Variants in AHCTF1 observed in about 807,000 individuals in gnomAD.
AHCTF1 encodes the protein AT-hook containing transcription factor 1, also known as protein ELYS.
Under a neutral mutation model 248.4 loss-of-function variants are expected in AHCTF1, and 24 were observed. The observed-to-expected ratio is 0.10, with a 90% CI of 0.07 to 0.14. AHCTF1 has a LOEUF of 0.14. Among genes scored for constraint, AHCTF1 ranks in the 10% least tolerant of loss-of-function variants. The pLI, the probability that AHCTF1 is intolerant of heterozygous loss-of-function variation, is 1.00. For synonymous variants in AHCTF1, 786 were observed against 929.8 expected, an observed-to-expected ratio of 0.85 and a Z score of 2.81; for missense variants, 2,206 against 2,636.2, an observed-to-expected ratio of 0.84 and a Z score of 3.57.
At chr1:246,877,469 CTAAGAA>C (rs1200153606) in intron 21 of AHCTF1, among the ~76,000 whole-genome samples, 167 bp from the exon 22 acceptor site, 3 of 152,050 alleles carry the variant, frequency 2.0e-5, no homozygotes, top group African/African-American at 7.2e-5. Context: ...AATAATCTTG[CTAAGAA>C]TGTCAGTAAA....
chr1:246,878,396 CAAAAAAAAAA>C (rs1199465751), intron 21 of AHCTF1, among the ~76,000 whole-genome samples: 2,548 of 30,780 alleles, frequency 0.083, 38 homozygotes, highest in Non-Finnish European at 0.095. Flanking sequence ...GATTCTGTCT[CAAAAAAAAAA>C]AAAAAAAAAA....
At chr1:246,901,784 C>T (rs1665018935) in intron 8 of AHCTF1, among the ~76,000 whole-genome samples, 1 of 152,158 alleles carries the variant, frequency 6.6e-6, no homozygotes. Context: ...TGCCACCACA[C>T]TCTGGCCTGG....
intron 1 of AHCTF1, among the ~76,000 whole-genome samples, chr1:246,922,800 G>A (rs562430351): frequency 2.7e-5 from 4 of 150,624 alleles, no homozygotes; most frequent in Non-Finnish European, 4.4e-5. Flanking sequence ...GGATAACACG[G>A]TGAAACCCTG....
intron 3 of AHCTF1, 77 bp from the exon 4 acceptor site, chr1:246,913,489 A>G: frequency 7.1e-7 from 1 of 1,405,114 alleles, no homozygotes; most frequent in Non-Finnish European, 9.7e-7. Context: ...TTTAAGTTAA[A>G]GCAGGTTATC....
intron 31 of AHCTF1, 25 bp downstream of exon 31, chr1:246,855,705 C>A (rs774980326): frequency 3.2e-6 from 5 of 1,548,090 alleles, no homozygotes; most frequent in Admixed American, 1.8e-5. Context: ...TGGAATAATC[C>A]TGAAGTCAAA....
chr1:246,860,767 A>C, intron 29 of AHCTF1, 132 bp downstream of exon 29: 5 of 1,231,248 alleles, frequency 4.1e-6, no homozygotes, highest in Non-Finnish European at 5.6e-6. Flanking sequence ...CAGCCTCCCA[A>C]AGTGCTGAGA....
intron 24 of AHCTF1, among the ~76,000 whole-genome samples, chr1:246,869,804 G>A (rs1368384918): frequency 6.6e-6 from 1 of 152,182 alleles, no homozygotes; most frequent in East Asian, 1.9e-4. Context: ...GACGAATGCT[G>A]TTAGCAGGCA....
chr1:246,899,621 T>C, intron 10 of AHCTF1, 109 bp from the exon 11 acceptor site: 3 of 719,068 alleles, frequency 4.2e-6, no homozygotes, highest in Non-Finnish European at 6.7e-6. Flanking sequence ...AATTATTACA[T>C]GTAATAAATC....
At chr1:246,928,302 CA>C (rs35687457) in intron 1 of AHCTF1, among the ~76,000 whole-genome samples, 50,102 of 94,326 alleles carry the variant, frequency 0.53, 9,645 homozygotes, top group African/African-American at 0.6. Flanking sequence ...GACTCCGTCT[CA>C]AAAAAAAAAA....
rs1261086012 is a variant in AHCTF1, at chr1:246,857,765, T to C, written c.4182A>G (p.Ala1394=). The part of the protein sequence containing the change: ...ETKDLLVAAE[A]FSELNHLSPV... ...GGCTTAAGTGATTCAATTCTGAAAA[T>C]GCCTCTGCTGCAACTAAGAGATCCT... is the stretch of plus-strand genomic sequence containing the variant. Residue 1394 remains alanine (A), a synonymous_variant, in exon 30 of 36, where the codon GCA becomes GCG. Transcript: ENST00000648844. 3.7e-6 allele frequency: 6 copies of C among 1,613,786 alleles called. No individual in the cohort carries two copies. The highest frequency in any genetic ancestry group is 2.7e-5 in the African/African-American group (2 of 74,912).
At chr1:246,891,091 C>T (rs747736400) in intron 15 of AHCTF1, 31 bp from the exon 16 acceptor site, 7 of 1,431,602 alleles carry the variant, frequency 4.9e-6, no homozygotes, top group Non-Finnish European at 5.6e-6. Flanking sequence ...CAGTTGTTTA[C>T]TTACAAAAAA....
At position 246,850,845 on chromosome 1, in the gene AHCTF1, T is replaced by C; in HGVS notation, c.5161A>G (p.Thr1721Ala). 6.2e-7 allele frequency: 1 copy of C among 1,613,932 alleles called. No homozygotes were observed. Among genetic ancestry groups the C allele is most frequent in the African/African-American group, 1.3e-5 (1 of 75,018 alleles). ...CTGACATTCATAGTCATTGTGCTTGTTTCCTGAGCAGTCTTAAATGCAGAT... is the reference window on the plus strand; with the variant it reads ...CTGACATTCATAGTCATTGTGCTTGCTTCCTGAGCAGTCTTAAATGCAGAT... ...VKSAFKTAQETSTMTMNVSQV... is the reference protein window; with the variant it reads ...VKSAFKTAQEASTMTMNVSQV... The change falls in exon 33 of 36, where the codon ACA (threonine) becomes GCA (alanine). Residue 1721 changes from threonine to alanine, a missense_variant. Physicochemically the swap from Thr to Ala is moderately conservative, Grantham distance 58 (BLOSUM62 0). Coordinates refer to ENST00000648844, the MANE Select transcript of AHCTF1 (RefSeq NM_001323342.2).
At chr1:246,891,163 A>C in intron 15 of AHCTF1, 103 bp from the exon 16 acceptor site, 2 of 620,594 alleles carry the variant, frequency 3.2e-6, no homozygotes, top group Admixed American at 7.7e-5. Context: ...TTGTAAATAT[A>C]TATTTTACAT....
At chr1:246,925,330 C>T (rs540495342) in intron 1 of AHCTF1, among the ~76,000 whole-genome samples, 16 of 152,140 alleles carry the variant, frequency 1.1e-4, no homozygotes, top group Non-Finnish European at 2.1e-4. Flanking sequence ...GGATAACACA[C>T]AAAAAGCATT....
At chr1:246,870,863 A>G (rs1257429658) in intron 24 of AHCTF1, among the ~76,000 whole-genome samples, 1 of 152,176 alleles carries the variant, frequency 6.6e-6, no homozygotes, top group Non-Finnish European at 1.5e-5. Context: ...TCTGTCACAT[A>G]TAAATTCCCA....
chr1:246,854,552 G>GA (rs1201292328), intron 31 of AHCTF1, among the ~76,000 whole-genome samples: 1 of 152,072 alleles, frequency 6.6e-6, no homozygotes, highest in African/African-American at 2.4e-5. Flanking sequence ...ATTCCTGACA[G>GA]AAAAAATGTC....
At chr1:246,844,366 T>C (rs1159428580) in intron 33 of AHCTF1, among the ~76,000 whole-genome samples, 1 of 152,232 alleles carries the variant, frequency 6.6e-6, no homozygotes, top group Non-Finnish European at 1.5e-5. Context: ...AGAAAATCTT[T>C]CTAGCCACCT....
intron 33 of AHCTF1, among the ~76,000 whole-genome samples, chr1:246,848,230 TTTATTA>T (rs567811541): frequency 1.1e-4 from 16 of 151,872 alleles, no homozygotes; most frequent in East Asian, 3.9e-4. Context: ...ATCTACTTTA[TTTATTA>T]TTATTATTAT....
intron 18 of AHCTF1, 61 bp from the exon 19 acceptor site, chr1:246,888,294 T>G: frequency 6.2e-7 from 1 of 1,612,044 alleles, no homozygotes; most frequent in South Asian, 1.1e-5. Flanking sequence ...TCATTCATGC[T>G]TCTTGTTTTC....
Sources: allele counts gnomAD v4.1 joint callset (sites outside exome capture counted in the v4.1 genomes callset), GRCh38; gene constraint gnomAD v4.1.1; transcripts MANE v1.5; gene names NCBI Gene and HGNC (gene_info 2026-07-23, HGNC 2026-07-21).